The following ATP5PD variants were observed in gnomAD, a reference collection of about 807,000 sequenced individuals.
The protein encoded by ATP5PD is ATP synthase peripheral stalk subunit d.
In ATP5PD, 13 loss-of-function variants were observed where a neutral mutation model predicts 22.6. That is an observed-to-expected ratio of 0.58 (90% CI 0.37 to 0.91). ATP5PD has a LOEUF of 0.91. Ranked by LOEUF, ATP5PD falls within the 40% of genes least tolerant of loss-of-function variation. The pLI, the probability that ATP5PD is intolerant of heterozygous loss-of-function variation, is 0.00. For synonymous variants in ATP5PD, 51 were observed against 65.0 expected (o/e 0.79, Z 1.03); for missense variants, 165 against 188.0 (o/e 0.88, Z 0.72).
intron 3 of ATP5PD, 75 bp downstream of exon 3, chr17:75,042,106 T>C: frequency 7.7e-7 from 1 of 1,298,946 alleles, no homozygotes; most frequent in Non-Finnish European, 1.1e-6. Flanking sequence ...ATGCTGTGTA[T>C]GTAATTATCC....
chr17:75,046,083 T>TTGTG (rs904776938), intron 1 of ATP5PD, among the ~76,000 whole-genome samples: 2 of 151,666 alleles, frequency 1.3e-5, no homozygotes, highest in South Asian at 2.1e-4. Flanking sequence ...ACAAATAACT[T>TTGTG]TGTGTGTGTG....
intron 1 of ATP5PD, among the ~76,000 whole-genome samples, chr17:75,043,127 A>G (rs2144914372): frequency 6.6e-6 from 1 of 152,340 alleles, no homozygotes; most frequent in African/African-American, 2.4e-5. Context: ...AGGCTGAGGC[A>G]TAAGAATCAC....
At chr17:75,045,222 G>A (rs1052137267) in intron 1 of ATP5PD, among the ~76,000 whole-genome samples, 4 of 152,210 alleles carry the variant, frequency 2.6e-5, no homozygotes, top group Non-Finnish European at 5.9e-5. Flanking sequence ...GTGGGTGACA[G>A]ACATCAAGTA....
intron 2 of ATP5PD, 113 bp downstream of exon 2, chr17:75,042,416 A>G (rs1438630663): frequency 6.6e-7 from 1 of 1,515,098 alleles, no homozygotes; most frequent in Non-Finnish European, 9.0e-7. Context: ...AAATGCAAGG[A>G]TTTCTTTATA....
At chr17:75,042,381 C>A in intron 2 of ATP5PD, 104 bp from the exon 3 acceptor site, 2 of 1,499,548 alleles carry the variant, frequency 1.3e-6, no homozygotes, top group Non-Finnish European at 1.8e-6. Context: ...GGTCACCACA[C>A]TTTCCTCTCC....
intron 1 of ATP5PD, among the ~76,000 whole-genome samples, chr17:75,044,686 T>C (rs1462653677): frequency 6.6e-6 from 1 of 151,764 alleles, no homozygotes; most frequent in Non-Finnish European, 1.5e-5. Flanking sequence ...GTGAGAAAAA[T>C]ACAGAAAACG....
chr17:75,039,641 C>T, intron 4 of ATP5PD: 1 of 285,276 alleles, frequency 3.5e-6, no homozygotes, highest in Non-Finnish European at 6.6e-6. Flanking sequence ...GCCTTCAGTG[C>T]TTTCAAGCAA....
intron 1 of ATP5PD, among the ~76,000 whole-genome samples, chr17:75,045,215 G>C (rs1462826228): frequency 6.6e-6 from 1 of 152,110 alleles, no homozygotes; most frequent in African/African-American, 2.4e-5. Context: ...AATAGGTGTG[G>C]GTGACAGACA....
intron 4 of ATP5PD, 97 bp from the exon 5 acceptor site, chr17:75,039,368 T>A: frequency 9.2e-7 from 1 of 1,083,008 alleles, no homozygotes; most frequent in Non-Finnish European, 1.4e-6. Flanking sequence ...CCTGCTGTCC[T>A]ATTGCTCTAT....
At chr17:75,043,491 T>C (rs1177712053) in intron 1 of ATP5PD, among the ~76,000 whole-genome samples, 1 of 151,840 alleles carries the variant, frequency 6.6e-6, no homozygotes, top group Non-Finnish European at 1.5e-5. Flanking sequence ...CATGCACCTG[T>C]AGTCCCAGGT....
intron 1 of ATP5PD, among the ~76,000 whole-genome samples, chr17:75,043,100 A>G (rs2073177299): frequency 6.6e-6 from 1 of 151,596 alleles, no homozygotes; most frequent in Non-Finnish European, 1.5e-5. Context: ...CCCGCGCCAT[A>G]ATCCCAGCTA....
chr17:75,043,205 A>G (rs2144914522), intron 1 of ATP5PD, among the ~76,000 whole-genome samples: 1 of 152,360 alleles, frequency 6.6e-6, no homozygotes, highest in Admixed American at 6.5e-5. Flanking sequence ...TGGGCAACAC[A>G]GCAAGAGTCC....
At chr17:75,039,446 C>T (rs868181894) in intron 4 of ATP5PD, 175 bp from the exon 5 acceptor site, 1 of 599,834 alleles carries the variant, frequency 1.7e-6, no homozygotes. Flanking sequence ...TTTCTTAACA[C>T]TCACAGAGAA....
intron 1 of ATP5PD, among the ~76,000 whole-genome samples, chr17:75,043,837 T>C (rs910588899): frequency 1.8e-4 from 27 of 152,268 alleles, no homozygotes; most frequent in African/African-American, 6.3e-4. Flanking sequence ...ATGTGTACAA[T>C]GGGCATTATC....
intron 4 of ATP5PD, 198 bp downstream of exon 4, chr17:75,039,894 C>G: frequency 1.6e-6 from 1 of 633,248 alleles, no homozygotes; most frequent in Non-Finnish European, 2.8e-6. Flanking sequence ...ATATGCTATA[C>G]TCTTCTTTTT....
At chr17:75,042,142 A>C in intron 3 of ATP5PD, 39 bp downstream of exon 3, 1 of 1,548,806 alleles carries the variant, frequency 6.5e-7, no homozygotes, top group Non-Finnish European at 8.9e-7. Context: ...ACCCACAGGC[A>C]TGTTACAAGC....
chr17:75,044,395 C>T (rs1175047135), intron 1 of ATP5PD, among the ~76,000 whole-genome samples: 6 of 112,908 alleles, frequency 5.3e-5, no homozygotes, highest in Non-Finnish European at 3.1e-5. Flanking sequence ...TTAGTAGAGA[C>T]GGGGTTTCAC....
At chr17:75,041,009 G>A (rs1287451557) in intron 3 of ATP5PD, 1 of 152,088 alleles carries the variant, frequency 6.6e-6, no homozygotes, top group Non-Finnish European at 1.5e-5. Context: ...ATTGAGACTT[G>A]TGTAAATATC....
intron 1 of ATP5PD, among the ~76,000 whole-genome samples, chr17:75,043,971 C>T (rs1049249573): frequency 4.6e-5 from 7 of 151,904 alleles, no homozygotes; most frequent in Non-Finnish European, 7.4e-5. Context: ...TACACCTGCA[C>T]CTTCTTATTC....
Sources: gnomAD v4.1 joint callset for allele counts (sites outside exome capture counted in the v4.1 genomes callset) on GRCh38, gnomAD v4.1.1 for gene constraint, MANE v1.5 for transcripts, NCBI Gene and HGNC (gene_info 2026-07-23, HGNC 2026-07-21) for gene names.